PAFAH1B2: variants seen among roughly 807,000 people sequenced by gnomAD.
The protein encoded by PAFAH1B2 is platelet-activating factor acetylhydrolase IB subunit alpha2.
PAFAH1B2 carries 8 observed loss-of-function variants against 28.0 expected under a neutral mutation model. The observed-to-expected ratio is 0.29, with a 90% confidence interval of 0.17 to 0.52. The LOEUF (loss-of-function observed/expected upper bound fraction) is 0.52, where lower values mean the gene tolerates loss of function less well. PAFAH1B2 is among the 20% of genes least tolerant of loss of function. The pLI is 0.97. For missense variants in PAFAH1B2, 190 were observed against 282.6 expected, an observed-to-expected ratio of 0.67 and a Z score of 2.35; for synonymous variants, 104 against 103.2, an observed-to-expected ratio of 1.01 and a Z score of -0.05.
downstream of PAFAH1B2, chr11:117,171,549 A>G (rs1956649808): frequency 5.1e-6 from 3 of 587,054 alleles, no homozygotes; most frequent in Admixed American, 8.7e-5. Flanking sequence ...AAAAAAAAAA[A>G]AATACAGTGT....
At chr11:117,148,592 G>T (rs921869598) in intron 1 of PAFAH1B2, among the ~76,000 whole-genome samples, 11 of 152,132 alleles carry the variant, frequency 7.2e-5, no homozygotes, top group Non-Finnish European at 1.3e-4. Flanking sequence ...TTGTTTGTCT[G>T]TTGGATGAAC....
chr11:117,172,343 T>C (rs1956666527), downstream of PAFAH1B2, among the ~76,000 whole-genome samples: 1 of 127,610 alleles, frequency 7.8e-6, no homozygotes, highest in South Asian at 2.7e-4. Flanking sequence ...TGGTTCATTC[T>C]AGCTTTATAT....
chr11:117,171,477 C>T (rs1956647868), downstream of PAFAH1B2: 3 of 547,224 alleles, frequency 5.5e-6, no homozygotes, highest in Admixed American at 3.1e-5. Flanking sequence ...CGGAGGTTAC[C>T]GTGAGACGAG....
In PAFAH1B2 at chr11:117,163,605, G is replaced by A. The variant is rs368259782; in HGVS notation, c.289-165G>A. ...GGAGAATCACTTGAACCTGGGAGGC[G>A]GAGGTTGCAGTGAGCCGAAATGGTG... On this transcript the variant is annotated intron_variant, in intron 4 of 5. Transcript: ENST00000527958. Among the ~76,000 whole-genome samples, 16 of 151,954 alleles carry A rather than the reference G, an allele frequency of 1.1e-4. No individual in the cohort carries two copies. The East Asian group carries it at 1.2e-3, about 11-fold the overall frequency.
chr11:117,162,007 C>G (rs1338891614), intron 4 of PAFAH1B2, among the ~76,000 whole-genome samples: 1 of 152,094 alleles, frequency 6.6e-6, no homozygotes, highest in East Asian at 1.9e-4. Flanking sequence ...AAATTAGAAG[C>G]AGATGTGAAC....
At chr11:117,159,055 T>C (rs1216685360) in intron 2 of PAFAH1B2, among the ~76,000 whole-genome samples, 2 of 152,188 alleles carry the variant, frequency 1.3e-5, no homozygotes, top group African/African-American at 4.8e-5. Flanking sequence ...CACACATACA[T>C]AGAAACAAAG....
intron 2 of PAFAH1B2, among the ~76,000 whole-genome samples, chr11:117,158,061 C>G (rs1591741931): frequency 6.6e-6 from 1 of 152,200 alleles, no homozygotes; most frequent in African/African-American, 2.4e-5. Flanking sequence ...TTGGTTGAAC[C>G]CGGGAGGTGG....
In PAFAH1B2 at chr11:117,152,428, C is replaced by A. The variant is rs757067651; in HGVS notation, c.-7-13C>A. ...GTTAACAAATGAAACATGACATAGA[C>A]GTTTTTTCTCAGGTGTAGAATGAGC... is the stretch of plus-strand genomic sequence containing the variant. On this transcript the variant is annotated splice_polypyrimidine_tract_variant and intron_variant, in intron 1 of 5. Coordinates refer to ENST00000527958, the MANE Select transcript of PAFAH1B2 (RefSeq NM_002572.4). The A allele has an allele frequency of 6.5e-7, 1 of 1,541,574 alleles. No individual in the cohort carries two copies. Among genetic ancestry groups the A allele is most frequent in the Non-Finnish European group, 9.0e-7 (1 of 1,114,302 alleles).
chr11:117,152,761 CAATTAAAAAAAAAACA>C (rs1956180528), intron 2 of PAFAH1B2, among the ~76,000 whole-genome samples: 1 of 151,884 alleles, frequency 6.6e-6, no homozygotes, highest in African/African-American at 2.4e-5. Context: ...TGCAAAGGGG[CAATTAAAAAAAAAACA>C]AAACAAAACT....
At chr11:117,166,409 G>A (rs1023244597) in intron 5 of PAFAH1B2, among the ~76,000 whole-genome samples, 5 of 152,136 alleles carry the variant, frequency 3.3e-5, no homozygotes, top group African/African-American at 1.2e-4. Flanking sequence ...ATACAAAAGT[G>A]TTAATTATGG....
At chr11:117,149,798 A>T (rs1016000204) in intron 1 of PAFAH1B2, among the ~76,000 whole-genome samples, 2 of 152,062 alleles carry the variant, frequency 1.3e-5, no homozygotes, top group Non-Finnish European at 2.9e-5. Context: ...CATGAACAGT[A>T]ATTGGCATGT....
intron 2 of PAFAH1B2, among the ~76,000 whole-genome samples, chr11:117,157,610 A>C (rs1565266464): frequency 6.6e-6 from 1 of 152,222 alleles, no homozygotes; most frequent in Non-Finnish European, 1.5e-5. Flanking sequence ...AACAAAGTTG[A>C]ATGCAGAGTT....
downstream of PAFAH1B2, among the ~76,000 whole-genome samples, chr11:117,177,705 T>C (rs2030061649): frequency 6.6e-6 from 1 of 152,234 alleles, no homozygotes; most frequent in Non-Finnish European, 1.5e-5. Flanking sequence ...CCACTAATTT[T>C]GTATTTTTAT....
chr11:117,153,928 C>CTT (rs111809381), intron 2 of PAFAH1B2, among the ~76,000 whole-genome samples: 1 of 141,172 alleles, frequency 7.1e-6, no homozygotes, highest in Non-Finnish European at 1.6e-5. Context: ...TTTTTCTTTT[C>CTT]TTTTTTTTTT....
rs147758136 is a variant in PAFAH1B2 at position 117,163,651 on chromosome 11, T to C, written c.289-119T>C. ...TGGTGCCACTGCACTCCAGTCTGGG[T>C]GATAGAGCGAGACCCCATCTCAAAA... On this transcript the variant is annotated intron_variant, in intron 4 of 5. Coordinates refer to ENST00000527958, the MANE Select transcript of PAFAH1B2 (RefSeq NM_002572.4). 1,918 of 1,012,972 alleles carry C rather than the reference T, an allele frequency of 1.9e-3. 26 individuals carry two copies. The African/African-American group carries it at 0.029, about 15-fold the overall frequency. The allele number at this position is 1,012,972 out of a possible 1,614,324, so 62.7% of individuals were successfully genotyped here. A position where few individuals can be genotyped will look rare whatever the true frequency, so the allele number is the denominator to read the frequency against.
chr11:117,168,790 G>T lies in PAFAH1B2; in HGVS notation c.*1091G>T. On this transcript the variant is annotated 3_prime_UTR_variant, in exon 6 of 6. Coordinates refer to ENST00000527958, the MANE Select transcript of PAFAH1B2 (RefSeq NM_002572.4). ...TTTTATTTTTTTTATTGGCTTAGTT[G>T]TTTTTTGTTTTGTTTTGTTTGAGAT... is the stretch of plus-strand genomic sequence containing the variant. 5.1e-6 allele frequency: 5 copies of T among 982,676 alleles called. No individual in the cohort carries two copies. The highest frequency in any genetic ancestry group is 6.2e-6 in the Non-Finnish European group (5 of 811,036). 60.9% of individuals were successfully genotyped at this position (982,676 alleles called of 1,614,324 possible). A position where few individuals can be genotyped will look rare whatever the true frequency, so the allele number is the denominator to read the frequency against.
At chr11:117,146,817 A>G (rs892847030) in intron 1 of PAFAH1B2, among the ~76,000 whole-genome samples, 6 of 146,634 alleles carry the variant, frequency 4.1e-5, no homozygotes, top group African/African-American at 7.6e-5. Flanking sequence ...CCTGAACAAT[A>G]TGGTGAGATC....
At chr11:117,176,193 A>G (rs1317059564) in exon 6 of PAFAH1B2, 7 of 496,612 alleles carry the variant, frequency 1.4e-5, no homozygotes, top group Non-Finnish European at 2.5e-5. Context: ...AAGGAAACCC[A>G]TAAGGTTATC....
At chr11:117,166,068 T>C (rs1956502072) in intron 5 of PAFAH1B2, among the ~76,000 whole-genome samples, 1 of 152,170 alleles carries the variant, frequency 6.6e-6, no homozygotes, top group Non-Finnish European at 1.5e-5. Flanking sequence ...CTCGAACTCC[T>C]GACCTCGTTC....
Sources: allele counts gnomAD v4.1 joint callset (sites outside exome capture counted in the v4.1 genomes callset), GRCh38; gene constraint gnomAD v4.1.1; transcripts MANE v1.5; gene names NCBI Gene and HGNC (gene_info 2026-07-23, HGNC 2026-07-21).